The following PLS1 variants were observed in gnomAD, a reference collection of about 807,000 sequenced individuals.
PLS1 encodes the protein plastin-1.
In PLS1, 32 loss-of-function variants were observed where a neutral mutation model predicts 73.7. The ratio of observed to expected loss-of-function variants is 0.43; its 90% CI spans 0.33 to 0.58. The LOEUF (loss-of-function observed/expected upper bound fraction) is 0.58, where lower values mean the gene tolerates loss of function less well. Ranked by LOEUF, PLS1 falls within the 20% of genes least tolerant of loss-of-function variation. The pLI is 0.04. For synonymous variants in PLS1, 217 were observed against 261.3 expected (o/e 0.83, Z 1.63); for missense variants, 633 against 740.5 (o/e 0.85, Z 1.68).
chr3:142,673,765 G>GAGGAA (rs768726862), intron 4 of PLS1: 1 of 151,950 alleles, frequency 6.6e-6, no homozygotes, highest in Non-Finnish European at 1.5e-5. Context: ...CCCAATAGAA[G>GAGGAA]AGGACTGGTC....
intron 1 of PLS1, among the ~76,000 whole-genome samples, chr3:142,636,287 G>C (rs900031590): frequency 2.0e-5 from 3 of 152,144 alleles, no homozygotes; most frequent in African/African-American, 4.8e-5. Context: ...CCATAAATAG[G>C]CTCACACATA....
At position 142,713,529 on chromosome 3, in the gene PLS1, TA is replaced by T. The variant is rs537550999; in HGVS notation, c.*1523del. On this transcript the variant is annotated 3_prime_UTR_variant, in exon 16 of 16. Transcript: ENST00000457734. Reference sequence around the variant, plus strand: ...ATATGTTCTTGCTCTTTTATAAGATTATTTAAATTATGTTTCCCTCTGATTT... The same window carrying T: ...ATATGTTCTTGCTCTTTTATAAGATTTTTAAATTATGTTTCCCTCTGATTT... 3 of 152,730 alleles carry T rather than the reference TA, an allele frequency of 2.0e-5. No individual in the cohort carries two copies. The South Asian group carries it at 6.2e-4, about 32-fold the overall frequency. 9.5% of individuals were successfully genotyped at this position (152,730 alleles called of 1,614,324 possible).
chr3:142,657,578 C>T (rs2037268937), intron 1 of PLS1, among the ~76,000 whole-genome samples: 2 of 152,212 alleles, frequency 1.3e-5, no homozygotes, highest in South Asian at 2.1e-4. Flanking sequence ...ACCTCCCCAC[C>T]TCCTGGGTTC....
intron 1 of PLS1, among the ~76,000 whole-genome samples, chr3:142,627,448 C>G (rs972856952): frequency 6.6e-6 from 1 of 152,144 alleles, no homozygotes; most frequent in Non-Finnish European, 1.5e-5. Context: ...GAAAAGCTTT[C>G]TTACTCTTCA....
intron 4 of PLS1, among the ~76,000 whole-genome samples, chr3:142,671,921 T>G (rs1463261568): frequency 6.6e-6 from 1 of 152,132 alleles, no homozygotes; most frequent in Non-Finnish European, 1.5e-5. Context: ...TCTCATCTAT[T>G]ATATGTTTTT....
chr3:142,653,177 CT>C (rs1231403289), intron 1 of PLS1, among the ~76,000 whole-genome samples: 1 of 152,124 alleles, frequency 6.6e-6, no homozygotes, highest in Non-Finnish European at 1.5e-5. Context: ...ATACCAAATG[CT>C]TTTCCAAGAG....
intron 12 of PLS1, among the ~76,000 whole-genome samples, chr3:142,703,110 G>C (rs1487526228): frequency 6.6e-6 from 1 of 151,938 alleles, no homozygotes; most frequent in Non-Finnish European, 1.5e-5. Flanking sequence ...GTAAGATCTG[G>C]GTAAAGAATA....
intron 1 of PLS1, among the ~76,000 whole-genome samples, chr3:142,622,603 G>A (rs2036337884): frequency 6.6e-6 from 1 of 152,022 alleles, no homozygotes; most frequent in African/African-American, 2.4e-5. Context: ...CCTTTATGGA[G>A]CCATCATAAA....
At chr3:142,680,564 A>C (rs958161791) in intron 6 of PLS1, among the ~76,000 whole-genome samples, 1 of 152,170 alleles carries the variant, frequency 6.6e-6, no homozygotes, top group Non-Finnish European at 1.5e-5. Context: ...CAGTTTTATC[A>C]TTTCACAAAA....
At chr3:142,704,040 C>T in intron 13 of PLS1, 39 bp downstream of exon 13, 1 of 1,586,428 alleles carries the variant, frequency 6.3e-7, no homozygotes, top group Non-Finnish European at 8.6e-7. Context: ...TGCCTGTTTC[C>T]TCCAACAAGT....
At chr3:142,636,147 T>C (rs2036684829) in intron 1 of PLS1, among the ~76,000 whole-genome samples, 1 of 152,034 alleles carries the variant, frequency 6.6e-6, no homozygotes, top group Admixed American at 6.6e-5. Context: ...CCACTTCAGC[T>C]ACCCAAAGTG....
At chr3:142,657,083 A>G (rs1449615349) in intron 1 of PLS1, 1 of 152,262 alleles carries the variant, frequency 6.6e-6, no homozygotes, top group Non-Finnish European at 1.5e-5. Context: ...GGTCTAATGT[A>G]GAGCAAAAGG....
chr3:142,626,437 T>C (rs2036430308), intron 1 of PLS1, among the ~76,000 whole-genome samples: 1 of 152,000 alleles, frequency 6.6e-6, no homozygotes, highest in Non-Finnish European at 1.5e-5. Context: ...TAAAGTGGGG[T>C]TTAAGATGAG....
chr3:142,598,845 A>C (rs2035859135), intron 1 of PLS1, among the ~76,000 whole-genome samples: 3 of 151,950 alleles, frequency 2.0e-5, no homozygotes, highest in Admixed American at 6.6e-5. Flanking sequence ...AAAATACAAA[A>C]AATTAGCTGG....
chr3:142,664,233 C>A lies in PLS1; in HGVS notation c.-5C>A. On this transcript the variant is annotated 5_prime_UTR_variant, in exon 2 of 16. Coordinates refer to ENST00000457734, the MANE Select transcript of PLS1 (RefSeq NM_001145319.2). ...AGACCTGAAGATAGTCTTTTCTGTC[C>A]AAAGATGGAAAACAGTACTACTACC... is the stretch of plus-strand genomic sequence containing the variant. 1.3e-6 allele frequency: 2 copies of A among 1,544,470 alleles called. No homozygotes were observed. Among genetic ancestry groups the A allele is most frequent in the Non-Finnish European group, 1.8e-6 (2 of 1,129,806 alleles).
chr3:142,685,835 A>C (rs565786431), intron 8 of PLS1, among the ~76,000 whole-genome samples: 1 of 152,214 alleles, frequency 6.6e-6, no homozygotes, highest in Non-Finnish European at 1.5e-5. Context: ...AGAACTATAT[A>C]TCCATCTTTG....
intron 1 of PLS1, among the ~76,000 whole-genome samples, chr3:142,634,169 C>CAGTAATTTGCATGATAACTTTA (rs2036626899): frequency 6.6e-6 from 1 of 152,068 alleles, no homozygotes; most frequent in Non-Finnish European, 1.5e-5. Context: ...CTTAAAATAG[C>CAGTAATTTGCATGATAACTTTA]AGTAATTTGC....
chr3:142,684,657 C>T (rs1157994421), intron 8 of PLS1, among the ~76,000 whole-genome samples: 2 of 152,150 alleles, frequency 1.3e-5, no homozygotes, highest in African/African-American at 4.8e-5. Context: ...TTAAAACACA[C>T]TTTCTCATTT....
chr3:142,683,622 G>A (rs2037901096), intron 6 of PLS1, among the ~76,000 whole-genome samples: 1 of 152,178 alleles, frequency 6.6e-6, no homozygotes, highest in African/African-American at 2.4e-5. Flanking sequence ...CATCTTAAGA[G>A]TTACTTTAAA....
Sources: gnomAD v4.1 joint callset for allele counts (sites outside exome capture counted in the v4.1 genomes callset) on GRCh38, gnomAD v4.1.1 for gene constraint, MANE v1.5 for transcripts, NCBI Gene and HGNC (gene_info 2026-07-23, HGNC 2026-07-21) for gene names.